Variants in EPM2A observed in about 807,000 individuals in gnomAD.
EPM2A encodes laforin.
EPM2A carries 21 observed loss-of-function variants against 26.5 expected under a neutral mutation model. That is an observed-to-expected ratio of 0.79 (90% CI 0.56 to 1.14). The LOEUF (loss-of-function observed/expected upper bound fraction) is 1.14, where lower values mean the gene tolerates loss of function less well. Among genes scored for constraint, EPM2A ranks in the 50% most tolerant of loss-of-function variants. EPM2A has a pLI of 0.00. For missense variants in EPM2A, 458 were observed against 440.8 expected, an observed-to-expected ratio of 1.04 and a Z score of -0.35; for synonymous variants, 217 against 177.6, an observed-to-expected ratio of 1.22 and a Z score of -1.76.
At chr6:145,477,237 TC>T (rs1181663694) in intron 4 of EPM2A, among the ~76,000 whole-genome samples, 10 of 151,616 alleles carry the variant, frequency 6.6e-5, no homozygotes, top group Admixed American at 2.6e-4. Flanking sequence ...CCAGAAGAAA[TC>T]TAAAACCTGA....
At chr6:145,550,363 G>A (rs1780638498) in intron 2 of EPM2A, among the ~76,000 whole-genome samples, 1 of 151,932 alleles carries the variant, frequency 6.6e-6, no homozygotes, top group African/African-American at 2.4e-5. Flanking sequence ...TCTCTCCTAT[G>A]AAAAGGGGAT....
At chr6:145,564,239 A>C (rs1780848740) in intron 2 of EPM2A, among the ~76,000 whole-genome samples, 1 of 152,254 alleles carries the variant, frequency 6.6e-6, no homozygotes, top group South Asian at 2.1e-4. Context: ...GTATATATTC[A>C]AATATCATAT....
intron 2 of EPM2A, among the ~76,000 whole-genome samples, chr6:145,516,366 A>T (rs1050132148): frequency 6.6e-6 from 1 of 152,184 alleles, no homozygotes; most frequent in Non-Finnish European, 1.5e-5. Flanking sequence ...GCTCAACTAG[A>T]AATCAACCTT....
intron 1 of EPM2A, chr6:145,722,867 C>G: frequency 2.6e-6 from 1 of 390,470 alleles, no homozygotes; most frequent in Non-Finnish European, 5.0e-6. Flanking sequence ...ATCTATAAAC[C>G]AAAGAAAGAG....
chr6:145,666,137 T>G (rs1388584674), intron 2 of EPM2A, among the ~76,000 whole-genome samples: 1 of 146,434 alleles, frequency 6.8e-6, no homozygotes, highest in East Asian at 2.1e-4. Flanking sequence ...CCGCTCCTAT[T>G]CCATAGTGTT....
At chr6:145,515,289 G>C (rs540224532) in intron 2 of EPM2A, among the ~76,000 whole-genome samples, 6 of 152,254 alleles carry the variant, frequency 3.9e-5, no homozygotes, top group Non-Finnish European at 8.8e-5. Context: ...TTCTAGAACT[G>C]AAATAAATGG....
chr6:145,613,749 C>T (rs766660818), intron 2 of EPM2A, among the ~76,000 whole-genome samples: 3 of 152,146 alleles, frequency 2.0e-5, no homozygotes, highest in Non-Finnish European at 4.4e-5. Flanking sequence ...GGTCTCAACA[C>T]TGGTGTTAAT....
At chr6:145,624,009 T>C (rs1282675617), downstream of EPM2A, among the ~76,000 whole-genome samples, 2 of 152,068 alleles carry the variant, frequency 1.3e-5, no homozygotes, top group South Asian at 2.1e-4. Context: ...AAGAACAGAG[T>C]TGTTGTTATG....
intron 1 of EPM2A, among the ~76,000 whole-genome samples, chr6:145,711,589 C>G (rs1230695931): frequency 6.6e-6 from 1 of 152,084 alleles, no homozygotes; most frequent in African/African-American, 2.4e-5. Context: ...AAGAATTTAG[C>G]TTGAGATAAG....
intron 4 of EPM2A, among the ~76,000 whole-genome samples, chr6:145,420,851 T>C (rs1024298550): frequency 6.7e-6 from 1 of 150,350 alleles, no homozygotes; most frequent in Admixed American, 6.6e-5. Context: ...AGAAGAGAGA[T>C]AGAAAGAGAG....
At chr6:145,693,251 T>C (rs1013171077) in intron 1 of EPM2A, among the ~76,000 whole-genome samples, 1 of 152,026 alleles carries the variant, frequency 6.6e-6, no homozygotes, top group Non-Finnish European at 1.5e-5. Flanking sequence ...ATGATTTTCA[T>C]ATGTTGATTT....
chr6:145,675,334 C>A (rs931022581), intron 2 of EPM2A, among the ~76,000 whole-genome samples: 1 of 152,082 alleles, frequency 6.6e-6, no homozygotes, highest in Non-Finnish European at 1.5e-5. Context: ...CAAAAACATG[C>A]CAAATAGTAA....
chr6:145,616,301 C>T (rs1008014044), intron 2 of EPM2A, among the ~76,000 whole-genome samples: 6 of 152,352 alleles, frequency 3.9e-5, no homozygotes, highest in Middle Eastern at 3.4e-3. Flanking sequence ...GCAGCTTCCA[C>T]GTGGTGTTGA....
In EPM2A at chr6:145,660,473, C is replaced by G. The variant is rs117139160; in HGVS notation, c.477-24987G>C. Reference sequence around the variant, plus strand: ...CTAAGCCTTGTTTAACTTTTTACTCCAATATCTAACTCCTAGCAAAATGTA... The same window carrying G: ...CTAAGCCTTGTTTAACTTTTTACTCGAATATCTAACTCCTAGCAAAATGTA... On this transcript the variant is annotated intron_variant, in intron 2 of 3. Transcript: ENST00000367519. 9.6e-3 allele frequency among the ~76,000 whole-genome samples: 1,468 copies of G among 152,204 alleles called. 10 individuals are homozygous for G. The highest frequency in any genetic ancestry group is 0.017 in the Admixed American group (262 of 15,294).
intron 4 of EPM2A, among the ~76,000 whole-genome samples, chr6:145,443,214 C>T (rs549161043): frequency 1.7e-3 from 258 of 152,294 alleles, no homozygotes; most frequent in African/African-American, 5.8e-3. Context: ...GCTATTCAGT[C>T]TCTTTTCTGG....
At chr6:145,427,287 C>A (rs1035304492) in intron 4 of EPM2A, among the ~76,000 whole-genome samples, 1 of 152,020 alleles carries the variant, frequency 6.6e-6, no homozygotes, top group Non-Finnish European at 1.5e-5. Flanking sequence ...GGGAAGATAG[C>A]CATTTTAAAT....
intron 2 of EPM2A, among the ~76,000 whole-genome samples, chr6:145,619,425 C>T (rs908905028): frequency 2.0e-5 from 3 of 152,172 alleles, no homozygotes; most frequent in African/African-American, 7.2e-5. Flanking sequence ...AGAAGGATTA[C>T]TAGCAGATAA....
At chr6:145,430,077 A>G (rs1371317076) in intron 4 of EPM2A, among the ~76,000 whole-genome samples, 1 of 151,990 alleles carries the variant, frequency 6.6e-6, no homozygotes, top group African/African-American at 2.4e-5. Flanking sequence ...CTGTAATCCC[A>G]GCTACTCGGA....
intron 2 of EPM2A, among the ~76,000 whole-genome samples, chr6:145,578,127 G>T (rs546972447): frequency 1.3e-5 from 2 of 152,052 alleles, no homozygotes; most frequent in South Asian, 4.1e-4. Context: ...ACCTAATGAT[G>T]CATCTTAAAG....
Sources: gnomAD v4.1 joint callset for allele counts (sites outside exome capture counted in the v4.1 genomes callset) on GRCh38, gnomAD v4.1.1 for gene constraint, MANE v1.5 for transcripts, NCBI Gene and HGNC (gene_info 2026-07-23, HGNC 2026-07-21) for gene names.